Variants in MPP2 observed in about 807,000 individuals in gnomAD.
MPP2 encodes the protein MAGUK p55 subfamily member 2.
A neutral mutation model predicts 58.5 loss-of-function variants in MPP2; 42 were observed. The ratio of observed to expected loss-of-function variants is 0.72; its 90% CI spans 0.56 to 0.93. The LOEUF (loss-of-function observed/expected upper bound fraction) is 0.93. Ranked by LOEUF, MPP2 falls within the 40% of genes least tolerant of loss-of-function variation. The pLI, the probability that MPP2 is intolerant of heterozygous loss-of-function variation, is 0.00. For synonymous variants in MPP2, 300 were observed against 307.8 expected, an observed-to-expected ratio of 0.97 and a Z score of 0.26; for missense variants, 632 against 760.4, an observed-to-expected ratio of 0.83 and a Z score of 1.99.
At chr17:43,899,675 C>T (rs1019623269) in intron 2 of MPP2, among the ~76,000 whole-genome samples, 3 of 152,074 alleles carry the variant, frequency 2.0e-5, no homozygotes, top group Admixed American at 2.0e-4. Flanking sequence ...TTGGTGTGAC[C>T]CAAAGGCTGA....
chr17:43,884,213 A>G, intron 3 of MPP2: 1 of 679,608 alleles, frequency 1.5e-6, no homozygotes, highest in South Asian at 1.6e-5. Flanking sequence ...CCACATTCAA[A>G]TGTTCACTCT....
At chr17:43,894,961 G>T (rs1597796336) in intron 3 of MPP2, among the ~76,000 whole-genome samples, 1 of 152,064 alleles carries the variant, frequency 6.6e-6, no homozygotes, top group East Asian at 1.9e-4. Flanking sequence ...TCCCACAAAG[G>T]TATATTGTTT....
chr17:43,905,961 C>A (rs1434787617), intron 1 of MPP2: 3 of 358,756 alleles, frequency 8.4e-6, no homozygotes, highest in Non-Finnish European at 1.2e-5. Context: ...TCAGGCTACA[C>A]CCAGGCTGGA....
intron 2 of MPP2, among the ~76,000 whole-genome samples, chr17:43,903,721 C>T (rs1374788025): frequency 6.6e-6 from 1 of 152,196 alleles, no homozygotes; most frequent in African/African-American, 2.4e-5. Flanking sequence ...GCAGCGGCAG[C>T]AACAGCAGCA....
At position 43,879,893 on chromosome 17, in the gene MPP2, C is replaced by G; in HGVS notation, c.1242G>C (p.Gly414=). The change falls in exon 11 of 13, where the codon GGG becomes GGC. Residue 414 remains glycine (G), a synonymous_variant. Transcript: ENST00000269095. The surrounding 1 kb of genome is among the most constrained non-coding windows in gnomAD (Gnocchi z 4.1). ...RGEMEADVRA[G]RYLEHGEYEG... Reference sequence around the variant, plus strand: ...CGTATTCGCCATGCTCCAGGTAGCGCCCAGCACGGACGTCAGCCTCCATCT... The same window carrying G: ...CGTATTCGCCATGCTCCAGGTAGCGGCCAGCACGGACGTCAGCCTCCATCT... 1 of 1,614,064 alleles carries G rather than the reference C, an allele frequency of 6.2e-7. No individual in the cohort carries two copies. The highest frequency in any genetic ancestry group is 1.3e-5 in the African/African-American group (1 of 74,974).
At chr17:43,891,315 T>C (rs2047595981) in intron 3 of MPP2, among the ~76,000 whole-genome samples, 1 of 151,584 alleles carries the variant, frequency 6.6e-6, no homozygotes, top group South Asian at 2.1e-4. Context: ...AGGTCAGGAG[T>C]TCAAGGCCAG....
chr17:43,890,364 T>A (rs2047555546), intron 3 of MPP2, among the ~76,000 whole-genome samples: 1 of 152,230 alleles, frequency 6.6e-6, no homozygotes, highest in Admixed American at 6.5e-5. Flanking sequence ...AAGCAGGGGC[T>A]CAAGCTCATG....
At chr17:43,907,845 T>G, upstream of MPP2, 1 of 985,428 alleles carries the variant, frequency 1.0e-6, no homozygotes, top group Non-Finnish European at 1.2e-6. Context: ...GAGACCGGCT[T>G]GATTACTCCG....
chr17:43,905,251 A>G (rs1233264919), intron 1 of MPP2: 1 of 152,236 alleles, frequency 6.6e-6, no homozygotes, highest in East Asian at 1.9e-4. Flanking sequence ...GAGTACTCCT[A>G]GACTGCAGGT....
At position 43,882,910 on chromosome 17, in the gene MPP2, T is replaced by C; in HGVS notation, c.446A>G (p.Glu149Gly). The change falls in exon 5 of 13, where the codon GAA becomes GGA. Residue 149 changes from glutamate to glycine, a missense_variant. Physicochemically the swap from Glu to Gly is moderately conservative, Grantham distance 98 (BLOSUM62 -2). Coordinates refer to ENST00000269095, the MANE Select transcript of MPP2 (RefSeq NM_005374.5). ...GCCCTGCCCAGTCCTCACCAGATGT[T>C]CTCCGGCTGTCTTGCGGATGCCCAC... The part of the protein sequence containing the change: ...RMVGIRKTAG[E>G]HLGVTFRVEG... The C allele has an allele frequency of 6.2e-7, 1 of 1,614,062 alleles. No individual in the cohort carries two copies. Among genetic ancestry groups the C allele is most frequent in the East Asian group, 2.2e-5 (1 of 44,876 alleles).
intron 2 of MPP2, among the ~76,000 whole-genome samples, chr17:43,902,178 C>T (rs1277119563): frequency 6.6e-6 from 1 of 152,274 alleles, no homozygotes; most frequent in Admixed American, 6.5e-5. Context: ...TATGAGAAGC[C>T]AGGAGCAGCC....
In MPP2 at chr17:43,877,607, A is replaced by G; in HGVS notation, c.*200T>C. The stretch of plus-strand genomic sequence containing the variant: ...TCAGGAGTGGGCAGCACCTGGGCAC[A>G]AGGTACCCCATGAATGCCCACCTCC... On this transcript the variant is annotated 3_prime_UTR_variant, in exon 13 of 13. Coordinates refer to ENST00000269095, the MANE Select transcript of MPP2 (RefSeq NM_005374.5). 1 of 606,772 alleles carries G rather than the reference A, an allele frequency of 1.6e-6. No homozygotes were observed. Among genetic ancestry groups the G allele is most frequent in the Non-Finnish European group, 2.9e-6 (1 of 339,438 alleles). The allele number at this position is 606,772 out of a possible 1,614,324, so 37.6% of individuals were successfully genotyped here.
At chr17:43,888,860 T>G (rs1247129343) in intron 3 of MPP2, among the ~76,000 whole-genome samples, 2 of 152,092 alleles carry the variant, frequency 1.3e-5, no homozygotes, top group Non-Finnish European at 2.9e-5. Context: ...CTCAACCTCA[T>G]AGCCCAGAGG....
At chr17:43,901,845 T>C (rs866426584) in intron 2 of MPP2, among the ~76,000 whole-genome samples, 1 of 151,960 alleles carries the variant, frequency 6.6e-6, no homozygotes, top group African/African-American at 2.4e-5. Flanking sequence ...AGATATGGGG[T>C]CTCCCTGCAA....
At chr17:43,892,832 G>T (rs1016289654) in intron 3 of MPP2, among the ~76,000 whole-genome samples, 34 of 152,194 alleles carry the variant, frequency 2.2e-4, no homozygotes, top group African/African-American at 8.2e-4. Flanking sequence ...TTTCAATTAG[G>T]CTTTACTGTG....
chr17:43,891,484 C>T (rs946103052), intron 3 of MPP2, among the ~76,000 whole-genome samples: 1 of 151,622 alleles, frequency 6.6e-6, no homozygotes, highest in Non-Finnish European at 1.5e-5. Flanking sequence ...CATTACACTC[C>T]AGCCTGGGCA....
In MPP2 at chr17:43,906,600, C is replaced by A. The variant is rs112723662; in HGVS notation, c.-34+874G>T. On this transcript the variant is annotated intron_variant, in intron 1 of 12. Transcript: ENST00000269095. ...GGTCTGACAAAGGCGCTTTGGAGAG[C>A]GAGAGGTCGCGGGGAGGTCTGGACA... Among the ~76,000 whole-genome samples, 1,019 of 152,262 alleles carry A rather than the reference C, an allele frequency of 6.7e-3. 18 individuals are homozygous for A. Among genetic ancestry groups the A allele is most frequent in the African/African-American group, 0.023 (952 of 41,550 alleles).
At position 43,877,127 on chromosome 17, in the gene MPP2, G is replaced by C. The variant is rs373435659; in HGVS notation, c.*680C>G. ...CATTGGAGAAATCTGGAGAAACTTC[G>C]GCAGTGAGAAGCTGTGGATGAGGGA... On this transcript the variant is annotated 3_prime_UTR_variant, in exon 13 of 13. Coordinates refer to ENST00000269095, the MANE Select transcript of MPP2 (RefSeq NM_005374.5). 3.3e-5 allele frequency: 5 copies of C among 152,928 alleles called. No homozygotes were observed. Among genetic ancestry groups the C allele is most frequent in the Non-Finnish European group, 7.3e-5 (5 of 68,316 alleles). 9.5% of individuals were successfully genotyped at this position (152,928 alleles called of 1,614,324 possible). A position where few individuals can be genotyped will look rare whatever the true frequency, so the allele number is the denominator to read the frequency against.
At chr17:43,884,083 C>T (rs231518) in intron 3 of MPP2, 84,593 of 702,314 alleles carry the variant, frequency 0.12, 5,916 homozygotes, top group Middle Eastern at 0.16. Flanking sequence ...AGCCACTTTA[C>T]CCCAAAGTAT....
Sources: gnomAD v4.1 joint callset for allele counts (sites outside exome capture counted in the v4.1 genomes callset) on GRCh38, gnomAD v4.1.1 for gene constraint, Gnocchi (gnomAD v3.1) non-coding constraint, MANE v1.5 for transcripts, NCBI Gene and HGNC (gene_info 2026-07-23, HGNC 2026-07-21) for gene names.